The following MROH2B variants were observed in gnomAD, a reference collection of about 807,000 sequenced individuals.
The protein encoded by MROH2B is maestro heat like repeat family member 2B.
A neutral mutation model predicts 208.6 loss-of-function variants in MROH2B; 177 were observed. The observed-to-expected ratio is 0.85, with a 90% CI of 0.75 to 0.96. The LOEUF is 0.96. Among genes scored for constraint, MROH2B ranks in the 40% least tolerant of loss-of-function variants. The pLI is 0.00. For synonymous variants in MROH2B, 728 were observed against 659.0 expected, an observed-to-expected ratio of 1.10 and a Z score of -1.60; for missense variants, 2,002 against 1,878.7, an observed-to-expected ratio of 1.07 and a Z score of -1.21.
At chr5:41,054,690 T>G (rs1033559477) in intron 11 of MROH2B, 77 bp downstream of exon 11, 9 of 1,129,716 alleles carry the variant, frequency 8.0e-6, no homozygotes, top group Non-Finnish European at 1.1e-5. Context: ...GTCTCATAAG[T>G]AGATCCTTAA....
At position 41,018,979 on chromosome 5, in the gene MROH2B, G is replaced by A. The variant is rs139957096; in HGVS notation, c.2481C>T (p.Asn827=). The part of the protein sequence containing the change: ...KPQLSLQDHL[N]ILEENIRRLL... ...GCCTCCGAATATTCTCCTCAAGAATGTTAAGGTGGTCTTGTAGTGAGAGCT... is the reference window on the plus strand; with the variant it reads ...GCCTCCGAATATTCTCCTCAAGAATATTAAGGTGGTCTTGTAGTGAGAGCT... The change falls in exon 25 of 42, where the codon AAC becomes AAT. Residue 827 remains asparagine (N), a synonymous_variant. Transcript: ENST00000399564. 1.5e-3 allele frequency: 2,474 copies of A among 1,613,856 alleles called. 16 individuals carry two copies. In the African/African-American group the frequency reaches 0.02, roughly 13 times the overall value.
Position 41,070,845 on chromosome 5 carries a change from A to G in MROH2B, c.8T>C (p.Leu3Pro), listed in dbSNP as rs766773821. The G allele has an allele frequency of 7.4e-6, 12 of 1,611,234 alleles. No homozygotes were observed. The highest frequency in any genetic ancestry group is 1.0e-5 in the Non-Finnish European group (12 of 1,178,622). ...CTTACCTATGGATTCCTCTGTACTA[A>G]GTGTCATGTCTTGGCTGTTTCAGGG... Reference protein sequence around the residue: MTLSTEESIEMFG... With the variant: MTPSTEESIEMFG... Residue 3 changes from leucine (L) to proline (P), a missense_variant, in exon 1 of 42, where the codon CTT becomes CCT. Leu to Pro is a moderately conservative substitution (Grantham distance 98, BLOSUM62 -3). Coordinates refer to ENST00000399564, the MANE Select transcript of MROH2B (RefSeq NM_173489.5).
At chr5:41,009,741 T>C (rs1428964115) in intron 31 of MROH2B, among the ~76,000 whole-genome samples, 181 bp downstream of exon 31, 1 of 152,168 alleles carries the variant, frequency 6.6e-6, no homozygotes, top group Non-Finnish European at 1.5e-5. Context: ...ATATATCTTA[T>C]ATATATGAAA....
intron 19 of MROH2B, among the ~76,000 whole-genome samples, chr5:41,041,803 C>G (rs1029593111): frequency 6.6e-6 from 1 of 152,106 alleles, no homozygotes; most frequent in East Asian, 1.9e-4. Flanking sequence ...CTTGTAAATT[C>G]AATCATTTTG....
rs531565817 is a variant in MROH2B at position 41,022,549 on chromosome 5, G to A, written c.2442-3531C>T. ...GCTTGAGTAGGTAAACAAAACGACC[G>A]AGAAGCTCGAACTTGGTGGAGCCCA... On this transcript the variant is annotated intron_variant, in intron 24 of 41. Coordinates refer to ENST00000399564, the MANE Select transcript of MROH2B (RefSeq NM_173489.5). Among the ~76,000 whole-genome samples, 14 of 152,328 alleles carry A rather than the reference G, an allele frequency of 9.2e-5. No individual in the cohort carries two copies. The East Asian group carries it at 1.4e-3, about 15-fold the overall frequency.
chr5:41,013,798 G>A (rs1741850234), intron 29 of MROH2B, among the ~76,000 whole-genome samples: 2 of 152,136 alleles, frequency 1.3e-5, no homozygotes, highest in Non-Finnish European at 2.9e-5. Context: ...CACCTTTTAA[G>A]GCATTTGACA....
intron 6 of MROH2B, among the ~76,000 whole-genome samples, chr5:41,061,270 T>A (rs138897500): frequency 6.6e-6 from 1 of 152,350 alleles, no homozygotes; most frequent in Admixed American, 6.5e-5. Flanking sequence ...TTGATTGTTC[T>A]TTCCACATAC....
intron 9 of MROH2B, 71 bp downstream of exon 9, chr5:41,057,038 C>T (rs1350660897): frequency 2.0e-6 from 3 of 1,469,022 alleles, no homozygotes; most frequent in South Asian, 1.2e-5. Context: ...ACAGTTTGCC[C>T]TCCTTTTACC....
rs559852365 is a variant in MROH2B, at chr5:41,057,365, A to G, written c.757-5T>C. The G allele has an allele frequency of 6.4e-7, 1 of 1,565,228 alleles. No homozygotes were observed. The highest frequency in any genetic ancestry group is 1.2e-5 in the South Asian group (1 of 84,966). ...AGTCAGTATTTGTTTTAGGCTCTAAAGTGGAAACTCCCACAGGTTAGTTGG... is the reference window on the plus strand; with the variant it reads ...AGTCAGTATTTGTTTTAGGCTCTAAGGTGGAAACTCCCACAGGTTAGTTGG... On this transcript the variant is annotated splice_polypyrimidine_tract_variant and splice_region_variant and intron_variant, in intron 7 of 41. Transcript: ENST00000399564.
At chr5:41,059,787 A>G (rs1743578658) in intron 6 of MROH2B, among the ~76,000 whole-genome samples, 1 of 152,038 alleles carries the variant, frequency 6.6e-6, no homozygotes, top group Non-Finnish European at 1.5e-5. Flanking sequence ...CTTTCCCCTT[A>G]ATATTGATGC....
chr5:41,003,684 T>G (rs910651500), intron 37 of MROH2B, among the ~76,000 whole-genome samples: 2 of 152,222 alleles, frequency 1.3e-5, no homozygotes, highest in East Asian at 1.9e-4. Flanking sequence ...AAAGCCTTAA[T>G]GTTTATGAAG....
intron 9 of MROH2B, 132 bp from the exon 10 acceptor site, chr5:41,055,987 T>C: frequency 1.5e-6 from 1 of 659,694 alleles, no homozygotes; most frequent in South Asian, 1.8e-5. Flanking sequence ...TTTTATTACG[T>C]CCATGCTTCT....
At chr5:41,018,102 C>T (rs1298663048) in intron 27 of MROH2B, 132 bp from the exon 28 acceptor site, 6 of 1,303,880 alleles carry the variant, frequency 4.6e-6, no homozygotes, top group Non-Finnish European at 6.2e-6. Context: ...CTTGCACTTT[C>T]TCCTAAAAGA....
intron 28 of MROH2B, among the ~76,000 whole-genome samples, chr5:41,017,204 A>G (rs1300612053): frequency 6.6e-6 from 1 of 152,220 alleles, no homozygotes; most frequent in East Asian, 1.9e-4. Context: ...CATGGACTCA[A>G]TTAACCTGGA....
At chr5:41,027,250 C>A (rs1391156971) in intron 24 of MROH2B, among the ~76,000 whole-genome samples, 1 of 152,098 alleles carries the variant, frequency 6.6e-6, no homozygotes, top group Non-Finnish European at 1.5e-5. Context: ...AGTGAACAGA[C>A]AACCTACAAA....
chr5:41,062,347 T>C (rs1243291449), intron 5 of MROH2B, among the ~76,000 whole-genome samples: 1 of 152,158 alleles, frequency 6.6e-6, no homozygotes, highest in Non-Finnish European at 1.5e-5. Context: ...AAGTTAGGAT[T>C]GTGGTTACCC....
In MROH2B at chr5:41,058,103, T is replaced by C. The variant is rs755496405; in HGVS notation, c.716A>G (p.Asn239Ser). 2 of 1,606,202 alleles carry C rather than the reference T, an allele frequency of 1.2e-6. No individual in the cohort carries two copies. The highest frequency in any genetic ancestry group is 1.7e-6 in the Non-Finnish European group (2 of 1,176,140). The change falls in exon 7 of 42, where the codon AAC becomes AGC. Residue 239 changes from asparagine (N) to serine (S), a missense_variant. By Grantham distance (46) the Asn-to-Ser change is conservative (BLOSUM62 1). Transcript: ENST00000399564. ...YALGQVPWLLNQYKDKEIDFH... is the reference protein window; with the variant it reads ...YALGQVPWLLSQYKDKEIDFH... ...ATCAATCTCTTTGTCTTTATACTGG[T>C]TCAGGAGCCAGGGCACCTGGCCCAG...
intron 6 of MROH2B, among the ~76,000 whole-genome samples, chr5:41,059,343 A>G (rs1743566831): frequency 6.6e-6 from 1 of 152,192 alleles, no homozygotes; most frequent in African/African-American, 2.4e-5. Context: ...CATAATACAC[A>G]TAGGACCCAT....
chr5:41,042,035 A>C (rs1579941521), intron 19 of MROH2B, 57 bp downstream of exon 19: 1 of 902,952 alleles, frequency 1.1e-6, no homozygotes, highest in Non-Finnish European at 1.7e-6. Flanking sequence ...GGTTTTGTGG[A>C]TAGGATTAGT....
Sources: gnomAD v4.1 joint callset for allele counts (sites outside exome capture counted in the v4.1 genomes callset) on GRCh38, gnomAD v4.1.1 for gene constraint, MANE v1.5 for transcripts, NCBI Gene and HGNC (gene_info 2026-07-23, HGNC 2026-07-21) for gene names.